The following PRIMPOL variants were observed in gnomAD, a reference collection of about 807,000 sequenced individuals.
PRIMPOL encodes primase and DNA directed polymerase.
In PRIMPOL, 54 loss-of-function variants were observed where a neutral mutation model predicts 63.6. The ratio of observed to expected loss-of-function variants is 0.85; its 90% CI spans 0.68 to 1.07. PRIMPOL has a LOEUF of 1.07. Among genes scored for constraint, PRIMPOL ranks in the 50% least tolerant of loss-of-function variants. The probability of loss-of-function intolerance (pLI) is 0.00; values close to 1 mark genes in which losing one functional copy is unlikely to be tolerated. For synonymous variants in PRIMPOL, 197 were observed against 220.2 expected (o/e 0.89, Z 0.93); for missense variants, 610 against 648.3 (o/e 0.94, Z 0.64).
intron 13 of PRIMPOL, among the ~76,000 whole-genome samples, chr4:184,692,401 G>A (rs1005755412): frequency 4.6e-5 from 7 of 150,818 alleles, no homozygotes; most frequent in Non-Finnish European, 1.0e-4. Context: ...TTGAACCTGG[G>A]AGGTGGAGGT....
chr4:184,658,357 A>T (rs1422707255), intron 3 of PRIMPOL, among the ~76,000 whole-genome samples: 4 of 152,228 alleles, frequency 2.6e-5, no homozygotes, highest in Non-Finnish European at 5.9e-5. Context: ...AATTTTAAAA[A>T]GATATAGATA....
intron 11 of PRIMPOL, among the ~76,000 whole-genome samples, chr4:184,689,415 C>T (rs1332408570): frequency 6.7e-6 from 1 of 148,430 alleles, no homozygotes; most frequent in African/African-American, 2.5e-5. Flanking sequence ...CTCCCCAACT[C>T]ATACCTTGTT....
intron 7 of PRIMPOL, among the ~76,000 whole-genome samples, chr4:184,677,024 CTT>C (rs1260912898): frequency 3.4e-5 from 3 of 87,582 alleles, no homozygotes; most frequent in Admixed American, 1.2e-4. Context: ...TCCCTTCTCC[CTT>C]CCCCCTTCCC....
At chr4:184,689,311 C>T (rs1392613619) in intron 11 of PRIMPOL, among the ~76,000 whole-genome samples, 1 of 152,122 alleles carries the variant, frequency 6.6e-6, no homozygotes, top group Admixed American at 6.5e-5. Flanking sequence ...ATCCTCCCAC[C>T]TCAGCCTCCC....
chr4:184,688,448 C>A (rs1280201764), intron 11 of PRIMPOL, among the ~76,000 whole-genome samples: 1 of 152,172 alleles, frequency 6.6e-6, no homozygotes, highest in Non-Finnish European at 1.5e-5. Flanking sequence ...AAATTACATC[C>A]ACACAGATCA....
intron 11 of PRIMPOL, among the ~76,000 whole-genome samples, chr4:184,687,829 TG>T (rs1757392868): frequency 1.3e-5 from 2 of 152,322 alleles, no homozygotes; most frequent in East Asian, 3.9e-4. Context: ...TTGGTCTGGC[TG>T]GTCTCGAACT....
intron 13 of PRIMPOL, chr4:184,694,255 C>T (rs1378750537): frequency 1.6e-5 from 19 of 1,152,752 alleles, no homozygotes; most frequent in Middle Eastern, 3.6e-4. Flanking sequence ...CTTGCTCTTC[C>T]GTCGGGGAGT....
intron 6 of PRIMPOL, among the ~76,000 whole-genome samples, chr4:184,668,227 T>C (rs1349513278): frequency 6.6e-6 from 1 of 152,232 alleles, no homozygotes. Flanking sequence ...TGTCCTGTGC[T>C]GAGCTCCTCA....
intron 7 of PRIMPOL, 100 bp from the exon 8 acceptor site, chr4:184,678,128 ATAAT>A (rs1754590983): frequency 7.7e-6 from 5 of 652,180 alleles, no homozygotes; most frequent in South Asian, 5.6e-5. Flanking sequence ...TATATAGAAA[ATAAT>A]TATTTTTTAT....
intron 5 of PRIMPOL, among the ~76,000 whole-genome samples, chr4:184,664,935 A>G (rs528285774): frequency 6.6e-6 from 1 of 152,380 alleles, no homozygotes; most frequent in East Asian, 1.9e-4. Context: ...GAAAGAATTT[A>G]CAGAAGAGTA....
intron 2 of PRIMPOL, among the ~76,000 whole-genome samples, chr4:184,656,137 A>G (rs928789772): frequency 3.9e-5 from 6 of 152,124 alleles, no homozygotes; most frequent in African/African-American, 1.2e-4. Flanking sequence ...GTGGGCTTTC[A>G]TCCTCTATGA....
intron 6 of PRIMPOL, among the ~76,000 whole-genome samples, chr4:184,667,814 T>C (rs1434069697): frequency 6.6e-6 from 1 of 152,090 alleles, no homozygotes; most frequent in African/African-American, 2.4e-5. Flanking sequence ...CCCATCCCCT[T>C]CCCCACTTGA....
intron 2 of PRIMPOL, among the ~76,000 whole-genome samples, chr4:184,655,324 CTT>C (rs60487948): frequency 2.1e-4 from 28 of 131,078 alleles, no homozygotes; most frequent in Non-Finnish European, 2.0e-4. Context: ...CTCTCGTAAT[CTT>C]TTTTTTTTTT....
intron 5 of PRIMPOL, among the ~76,000 whole-genome samples, chr4:184,665,246 T>C (rs547329590): frequency 1.3e-5 from 2 of 152,224 alleles, no homozygotes; most frequent in Non-Finnish European, 2.9e-5. Flanking sequence ...GCTGCTATTA[T>C]TATTCCTGTT....
chr4:184,659,422 T>G lies in PRIMPOL; in HGVS notation c.263T>G (p.Phe88Cys), dbSNP rs773447316. Residue 88 changes from phenylalanine to cysteine, a missense_variant, in exon 4 of 14, where the codon TTT (phenylalanine) becomes TGT (cysteine). Coordinates refer to ENST00000314970, the MANE Select transcript of PRIMPOL (RefSeq NM_152683.4). Reference protein sequence around the residue: ...YLVTTYAEFWFYYKSRKNLLH... With the variant: ...YLVTTYAEFWCYYKSRKNLLH... ...GTGACAACCTATGCTGAATTTTGGT[T>G]TTACTATAAATCCAGGTAGGTAGCA... 14 of 1,612,148 alleles carry G rather than the reference T, an allele frequency of 8.7e-6. No homozygotes were observed. Among genetic ancestry groups the G allele is most frequent in the Non-Finnish European group, 9.3e-6 (11 of 1,178,310 alleles).
In PRIMPOL at chr4:184,682,340, A is replaced by G; in HGVS notation, c.1096+4A>G. 6.6e-7 allele frequency: 1 copy of G among 1,518,102 alleles called. No homozygotes were observed. The highest frequency in any genetic ancestry group is 9.1e-7 in the Non-Finnish European group (1 of 1,094,430). 94.0% of individuals were successfully genotyped at this position (1,518,102 alleles called of 1,614,324 possible). A position where few individuals can be genotyped will look rare whatever the true frequency, so the allele number is the denominator to read the frequency against. On this transcript the variant is annotated splice_donor_region_variant and intron_variant, in intron 9 of 13. Coordinates refer to ENST00000314970, the MANE Select transcript of PRIMPOL (RefSeq NM_152683.4). ...TTTAACAGTATCGGCACTTCAGGTA[A>G]ATTTTTTGATGTTTGTTTTTCTTTT...
intron 7 of PRIMPOL, among the ~76,000 whole-genome samples, chr4:184,673,278 C>T (rs537670271): frequency 1.1e-4 from 17 of 151,664 alleles, no homozygotes; most frequent in Middle Eastern, 3.4e-3. Flanking sequence ...TACAGGCGCC[C>T]GCCACCGCTC....
intron 7 of PRIMPOL, among the ~76,000 whole-genome samples, chr4:184,673,331 G>A (rs112102399): frequency 4.0e-5 from 6 of 151,134 alleles, no homozygotes; most frequent in South Asian, 2.1e-4. Flanking sequence ...GGGTTTCACC[G>A]TGTTAGCCAA....
intron 7 of PRIMPOL, among the ~76,000 whole-genome samples, chr4:184,675,081 C>G (rs969207416): frequency 6.6e-6 from 1 of 152,214 alleles, no homozygotes; most frequent in African/African-American, 2.4e-5. Context: ...TTGATTGGTG[C>G]GATGACCTGC....
Sources: gnomAD v4.1 joint callset for allele counts (sites outside exome capture counted in the v4.1 genomes callset) on GRCh38, gnomAD v4.1.1 for gene constraint, MANE v1.5 for transcripts, NCBI Gene and HGNC (gene_info 2026-07-23, HGNC 2026-07-21) for gene names.